The following UTRN variants were observed in gnomAD, a reference collection of about 807,000 sequenced individuals.
UTRN encodes dystrophin-related protein 1.
UTRN carries 283 observed loss-of-function variants against 463.9 expected under a neutral mutation model. The observed-to-expected ratio is 0.61, with a 90% CI of 0.55 to 0.67. The LOEUF is 0.67. Among genes scored for constraint, UTRN ranks in the 30% least tolerant of loss-of-function variants. UTRN has a pLI of 0.00. For missense variants in UTRN, 3,922 were observed against 4,084.3 expected, an observed-to-expected ratio of 0.96 and a Z score of 1.08; for synonymous variants, 1,442 against 1,431.5, an observed-to-expected ratio of 1.01 and a Z score of -0.17.
At chr6:144,616,583 A>G (rs1402106329) in intron 51 of UTRN, among the ~76,000 whole-genome samples, 1 of 152,076 alleles carries the variant, frequency 6.6e-6, no homozygotes, top group African/African-American at 2.4e-5. Context: ...TTTAAAAATA[A>G]AGGTGAATTT....
chr6:144,429,726 G>A lies in UTRN; in HGVS notation c.840G>A (p.Glu280=). ...AATATAAAAAAGAATGTGAAGAAGAGGCAATTAATATACAGGTACAGGTAA... is the reference window on the plus strand; with the variant it reads ...AATATAAAAAAGAATGTGAAGAAGAAGCAATTAATATACAGGTACAGGTAA... ...PRKYKKECEE[E]AINIQSTAPE... is the part of the protein sequence containing the mutation. The change falls in exon 9 of 75, where the codon GAG becomes GAA. Residue 280 remains glutamate (E), a synonymous_variant. Coordinates refer to ENST00000367545, the MANE Select transcript of UTRN (RefSeq NM_007124.3). 1 of 1,611,254 alleles carries A rather than the reference G, an allele frequency of 6.2e-7. No individual in the cohort carries two copies. The highest frequency in any genetic ancestry group is 8.5e-7 in the Non-Finnish European group (1 of 1,178,974).
chr6:144,309,374 A>C (rs149509421), intron 2 of UTRN, among the ~76,000 whole-genome samples: 1 of 152,142 alleles, frequency 6.6e-6, no homozygotes, highest in Non-Finnish European at 1.5e-5. Context: ...CACATCTTCT[A>C]TGTTCAGATC....
At chr6:144,340,098 C>T (rs995526156) in intron 2 of UTRN, among the ~76,000 whole-genome samples, 3 of 152,038 alleles carry the variant, frequency 2.0e-5, no homozygotes, top group Non-Finnish European at 4.4e-5. Context: ...ATCTGGGAGG[C>T]GGAGGTTGCA....
At chr6:144,454,121 G>A (rs148330513) in intron 19 of UTRN, among the ~76,000 whole-genome samples, 1 of 152,168 alleles carries the variant, frequency 6.6e-6, no homozygotes, top group East Asian at 1.9e-4. Flanking sequence ...CTGATTAGCA[G>A]AACAGTTAAA....
chr6:144,685,356 T>C (rs1782641155), intron 52 of UTRN, among the ~76,000 whole-genome samples: 1 of 152,176 alleles, frequency 6.6e-6, no homozygotes, highest in Non-Finnish European at 1.5e-5. Context: ...GCCAGTGTCT[T>C]TTTGACATAA....
intron 51 of UTRN, among the ~76,000 whole-genome samples, chr6:144,667,984 A>G (rs1175343423): frequency 6.6e-6 from 1 of 152,140 alleles, no homozygotes; most frequent in Non-Finnish European, 1.5e-5. Flanking sequence ...ACTGCAAACC[A>G]CACTTTGCAT....
intron 49 of UTRN, among the ~76,000 whole-genome samples, chr6:144,555,779 C>T (rs1039961635): frequency 2.0e-5 from 3 of 152,194 alleles, no homozygotes; most frequent in Admixed American, 2.0e-4. Flanking sequence ...ATGATCCAGT[C>T]ACCTCCCACC....
intron 9 of UTRN, among the ~76,000 whole-genome samples, chr6:144,430,595 C>T (rs1785714435): frequency 6.6e-6 from 1 of 152,162 alleles, no homozygotes; most frequent in Non-Finnish European, 1.5e-5. Context: ...AACTCTCAAT[C>T]ACAGTTTTGT....
At chr6:144,504,054 A>G (rs762500564) in intron 34 of UTRN, among the ~76,000 whole-genome samples, 2 of 152,126 alleles carry the variant, frequency 1.3e-5, no homozygotes, top group African/African-American at 4.8e-5. Flanking sequence ...TTATTGGTGT[A>G]TAGGAATGCT....
intron 69 of UTRN, among the ~76,000 whole-genome samples, chr6:144,832,560 G>A (rs1038028222): frequency 6.6e-6 from 1 of 152,182 alleles, no homozygotes; most frequent in African/African-American, 2.4e-5. Flanking sequence ...GTTAATCCAT[G>A]AGGTCAGGTG....
intron 65 of UTRN, among the ~76,000 whole-genome samples, chr6:144,806,014 T>C (rs1778116886): frequency 6.6e-6 from 1 of 152,134 alleles, no homozygotes; most frequent in South Asian, 2.1e-4. Context: ...ATTATAGAAG[T>C]TTAGAAAACT....
intron 51 of UTRN, among the ~76,000 whole-genome samples, chr6:144,629,192 A>G (rs1776254297): frequency 6.6e-6 from 1 of 151,832 alleles, no homozygotes; most frequent in African/African-American, 2.4e-5. Context: ...ATATTTGCTT[A>G]TTTGCTCTTA....
In UTRN at chr6:144,774,400, T is replaced by A. The variant is rs199912215; in HGVS notation, c.8632+36T>A. ...CTACCAAAGTTAATCAATCTGTTAC[T>A]TGAATTGCGTTTTTTTTTTTTCCAA... On this transcript the variant is annotated intron_variant, in intron 60 of 74. Transcript: ENST00000367545. 94 of 1,520,060 alleles carry A rather than the reference T, an allele frequency of 6.2e-5. No homozygotes were observed. The East Asian group carries it at 2.1e-3, about 34-fold the overall frequency. The allele number at this position is 1,520,060 out of a possible 1,614,324, so 94.2% of individuals were successfully genotyped here. A position where few individuals can be genotyped will look rare whatever the true frequency, so the allele number is the denominator to read the frequency against.
chr6:144,462,265 T>C (rs1424414146), intron 22 of UTRN, among the ~76,000 whole-genome samples: 7 of 152,240 alleles, frequency 4.6e-5, no homozygotes, highest in Admixed American at 4.6e-4. Context: ...GGCTGCATAG[T>C]ATTCCATGGT....
At chr6:144,622,643 A>G (rs982389229) in intron 51 of UTRN, among the ~76,000 whole-genome samples, 1 of 152,230 alleles carries the variant, frequency 6.6e-6, no homozygotes, top group African/African-American at 2.4e-5. Flanking sequence ...TGATATCTTT[A>G]CAAGAATGTT....
At position 144,759,815 on chromosome 6, in the gene UTRN, C is replaced by T. The variant is rs1243436967; in HGVS notation, c.8495+1826C>T. 4.6e-5 allele frequency among the ~76,000 whole-genome samples: 7 copies of T among 152,134 alleles called. No homozygotes were observed. In the East Asian group the frequency reaches 1.2e-3, roughly 25 times the overall value. Reference sequence around the variant, plus strand: ...TAGAACCTCCAGAGAAGGAATTCAGCCCTGCCAACTTTGATTTTATCCCAG... The same window carrying T: ...TAGAACCTCCAGAGAAGGAATTCAGTCCTGCCAACTTTGATTTTATCCCAG... On this transcript the variant is annotated intron_variant, in intron 58 of 74. Transcript: ENST00000367545.
intron 1 of UTRN, among the ~76,000 whole-genome samples, chr6:144,291,336 C>A (rs1804228994): frequency 6.6e-6 from 1 of 152,192 alleles, no homozygotes; most frequent in African/African-American, 2.4e-5. Context: ...GAAGCTCTTA[C>A]CTTTTCTCTT....
Position 144,839,882 on chromosome 6 carries a change from C to T in UTRN, c.10177+598C>T, listed in dbSNP as rs528016922. ...TAAAATTCTAGAATTTTACTGAGAA[C>T]GATATATTGTAACCAAATTAATTTC... On this transcript the variant is annotated intron_variant, in intron 72 of 74. Transcript: ENST00000367545. 6.6e-5 allele frequency among the ~76,000 whole-genome samples: 10 copies of T among 151,544 alleles called. No homozygotes were observed. In the South Asian group the frequency reaches 1.3e-3, roughly 19 times the overall value.
chr6:144,653,866 A>G (rs548492554), intron 51 of UTRN, among the ~76,000 whole-genome samples: 2 of 152,338 alleles, frequency 1.3e-5, no homozygotes, highest in South Asian at 4.1e-4. Context: ...GGCAGATTCT[A>G]ATAATCTCTA....
Sources: gnomAD v4.1 joint callset for allele counts (sites outside exome capture counted in the v4.1 genomes callset) on GRCh38, gnomAD v4.1.1 for gene constraint, MANE v1.5 for transcripts, NCBI Gene and HGNC (gene_info 2026-07-23, HGNC 2026-07-21) for gene names.